Variants in ACTR3C observed in about 807,000 individuals in gnomAD.
ACTR3C encodes actin related protein 3C.
A neutral mutation model predicts 26.3 loss-of-function variants in ACTR3C; 18 were observed. The ratio of observed to expected loss-of-function variants is 0.68; its 90% CI spans 0.47 to 1.01. The LOEUF is 1.01. ACTR3C is among the 50% of genes least tolerant of loss of function. ACTR3C has a pLI of 0.00. For synonymous variants in ACTR3C, 55 were observed against 94.5 expected, an observed-to-expected ratio of 0.58 and a Z score of 2.42; for missense variants, 184 against 250.7, an observed-to-expected ratio of 0.73 and a Z score of 1.80.
At chr7:150,023,120 TA>T in the ACTR3C span, among the ~76,000 whole-genome samples, 1 of 149,962 alleles carries the variant, frequency 6.7e-6, no homozygotes, top group Non-Finnish European at 1.5e-5. Context: ...TCTATATATC[TA>T]CATATCTATA....
At chr7:150,106,008 AG>A in the ACTR3C span, among the ~76,000 whole-genome samples, 2 of 151,758 alleles carry the variant, frequency 1.3e-5, no homozygotes, top group South Asian at 4.1e-4. Context: ...AAATTTTAGG[AG>A]AAGCTTTTAA....
chr7:150,316,480 G>GTTTTTTTTTTTTTTTTTT (rs1563212991), intron 1 of ACTR3C, among the ~76,000 whole-genome samples: 1 of 131,732 alleles, frequency 7.6e-6, no homozygotes. Flanking sequence ...TTAGAATCTG[G>GTTTTTTTTTTTTTTTTTT]TTATTTTTTT....
chr7:150,281,227 C>G (rs1835309841), intron 6 of ACTR3C, among the ~76,000 whole-genome samples: 1 of 151,880 alleles, frequency 6.6e-6, no homozygotes, highest in African/African-American at 2.4e-5. Flanking sequence ...CAGGAATGCG[C>G]GGCCGTCCAG....
the ACTR3C span, among the ~76,000 whole-genome samples, chr7:150,164,268 C>T: frequency 6.6e-6 from 1 of 152,180 alleles, no homozygotes; most frequent in Admixed American, 6.5e-5. Context: ...CCGGGCTGAG[C>T]ATATCAGAGG....
the ACTR3C span, among the ~76,000 whole-genome samples, chr7:149,895,557 G>C: frequency 1.3e-5 from 2 of 152,184 alleles, no homozygotes; most frequent in African/African-American, 4.8e-5. Flanking sequence ...GCCAGCTGTG[G>C]TGGCTCATGG....
chr7:150,144,728 C>G, the ACTR3C span, among the ~76,000 whole-genome samples: 34 of 152,076 alleles, frequency 2.2e-4, no homozygotes, highest in African/African-American at 7.7e-4. The surrounding 1 kb of genome is among the most constrained non-coding windows in gnomAD (Gnocchi z 4.6). Context: ...GGAAGAAGCT[C>G]TATATTCTAA....
chr7:150,117,018 G>A, the ACTR3C span, among the ~76,000 whole-genome samples: 10 of 152,168 alleles, frequency 6.6e-5, no homozygotes, highest in Non-Finnish European at 1.5e-4. Flanking sequence ...GAAGCCATGA[G>A]GGACTGTGCC....
chr7:150,249,922 G>A (rs1832714964), intron 6 of ACTR3C, among the ~76,000 whole-genome samples: 1 of 152,220 alleles, frequency 6.6e-6, no homozygotes, highest in African/African-American at 2.4e-5. Context: ...TTTACTCCAC[G>A]TGATAAGGCC....
At position 150,274,962 on chromosome 7, in the gene ACTR3C, C is replaced by T. The variant is rs1834751403; in HGVS notation, c.564+9791G>A. On this transcript the variant is annotated intron_variant, in intron 6 of 7. Transcript: ENST00000683684. This position sits in a 1 kb window ranked among gnomAD's most constrained non-coding sequence, Gnocchi z 4.1. ...ACACCAGCCCACAGTCATTCCCTCCCACAGCCCACTCAGAACTGCAACTGG... is the reference window on the plus strand; with the variant it reads ...ACACCAGCCCACAGTCATTCCCTCCTACAGCCCACTCAGAACTGCAACTGG... Among the ~76,000 whole-genome samples, 1 of 152,228 alleles carries T rather than the reference C, an allele frequency of 6.6e-6. No homozygotes were observed. The highest frequency in any genetic ancestry group is 6.5e-5 in the Admixed American group (1 of 15,292).
chr7:150,221,216 A>G, the ACTR3C span, among the ~76,000 whole-genome samples: 1 of 152,248 alleles, frequency 6.6e-6, no homozygotes, highest in East Asian at 1.9e-4. Context: ...GGGAAGGGCA[A>G]CAGAGTACAT....
the ACTR3C span, among the ~76,000 whole-genome samples, chr7:150,083,427 C>T: frequency 6.6e-6 from 1 of 152,022 alleles, no homozygotes; most frequent in East Asian, 2.0e-4. Flanking sequence ...ATTAGCTGGG[C>T]TTTGTGGGCA....
At chr7:149,983,174 A>G in the ACTR3C span, among the ~76,000 whole-genome samples, 1 of 152,024 alleles carries the variant, frequency 6.6e-6, no homozygotes, top group African/African-American at 2.4e-5. Flanking sequence ...CTCCCAAAAG[A>G]AGGCATGGGG....
the ACTR3C span, among the ~76,000 whole-genome samples, chr7:150,032,323 A>C: frequency 6.6e-6 from 1 of 152,152 alleles, no homozygotes; most frequent in Non-Finnish European, 1.5e-5. Flanking sequence ...TGTAAGGAAA[A>C]GGCATTTGAG....
intron 6 of ACTR3C, among the ~76,000 whole-genome samples, chr7:150,267,616 T>A (rs1274896309): frequency 1.3e-5 from 2 of 152,342 alleles, no homozygotes; most frequent in East Asian, 1.9e-4. Flanking sequence ...TTATTATTAG[T>A]TATTGCTGCT....
At chr7:150,227,344 T>C in the ACTR3C span, among the ~76,000 whole-genome samples, 13 of 151,686 alleles carry the variant, frequency 8.6e-5, no homozygotes, top group South Asian at 2.7e-3. Context: ...ATTCTGTTTC[T>C]ATGAGATCAA....
intron 1 of ACTR3C, among the ~76,000 whole-genome samples, chr7:150,301,670 T>C (rs938775518): frequency 2.0e-5 from 3 of 151,894 alleles, no homozygotes; most frequent in African/African-American, 7.3e-5. Flanking sequence ...GTGGTATCTA[T>C]GTACAATGGA....
At chr7:150,173,312 G>A in the ACTR3C span, among the ~76,000 whole-genome samples, 3 of 146,740 alleles carry the variant, frequency 2.0e-5, no homozygotes, top group Non-Finnish European at 2.9e-5. Flanking sequence ...TGCATTTGCC[G>A]GCTCAACACC....
chr7:150,289,264 C>G (rs189615840), intron 4 of ACTR3C, among the ~76,000 whole-genome samples, 186 bp downstream of exon 4: 1 of 151,812 alleles, frequency 6.6e-6, no homozygotes, highest in Admixed American at 6.6e-5. Flanking sequence ...AACCTCAGAG[C>G]ATCTAGTTTG....
chr7:150,107,355 G>C, the ACTR3C span, among the ~76,000 whole-genome samples: 72 of 151,842 alleles, frequency 4.7e-4, 1 homozygote, highest in East Asian at 0.013. Context: ...GAAGACACAG[G>C]GGGACAGCCT....
Sources: gnomAD v4.1 joint callset for allele counts (sites outside exome capture counted in the v4.1 genomes callset) on GRCh38, gnomAD v4.1.1 for gene constraint, Gnocchi (gnomAD v3.1) non-coding constraint, MANE v1.5 for transcripts, NCBI Gene and HGNC (gene_info 2026-07-23, HGNC 2026-07-21) for gene names.